The following FHIT variants were observed in gnomAD, a reference collection of about 807,000 sequenced individuals.
FHIT encodes fragile histidine triad diadenosine triphosphatase.
A neutral mutation model predicts 17.9 loss-of-function variants in FHIT; 19 were observed. The observed-to-expected ratio is 1.06, with a 90% CI of 0.74 to 1.56. FHIT has a LOEUF of 1.56. Ranked by LOEUF, FHIT falls within the 40% of genes most tolerant of loss-of-function variation. The probability of loss-of-function intolerance (pLI) is 0.00; values close to 1 mark genes in which losing one functional copy is unlikely to be tolerated. For synonymous variants in FHIT, 81 were observed against 69.7 expected, an observed-to-expected ratio of 1.16 and a Z score of -0.81; for missense variants, 248 against 189.2, an observed-to-expected ratio of 1.31 and a Z score of -1.82.
At chr3:61,178,206 C>A (rs951705121) in intron 2 of FHIT, among the ~76,000 whole-genome samples, 3 of 152,100 alleles carry the variant, frequency 2.0e-5, no homozygotes, top group African/African-American at 7.2e-5. Context: ...GTGCCAGGCA[C>A]TGGGTTTCAT....
Position 61,056,642 on chromosome 3 carries a change from C to T in FHIT, c.-163-14543G>A, listed in dbSNP as rs184540971. 1.0e-3 allele frequency among the ~76,000 whole-genome samples: 158 copies of T among 152,206 alleles called. 2 individuals carry two copies. The highest frequency in any genetic ancestry group is 8.8e-3 in the Admixed American group (134 of 15,286). On this transcript the variant is annotated intron_variant, in intron 2 of 9. Coordinates refer to ENST00000492590, the MANE Select transcript of FHIT (RefSeq NM_002012.4). Reference sequence around the variant, plus strand: ...GTAACACGCCTTGGGAAGTGCATTCCCAACAGAGAACAGCAATCCTCTCCA... The same window carrying T: ...GTAACACGCCTTGGGAAGTGCATTCTCAACAGAGAACAGCAATCCTCTCCA...
intron 4 of FHIT, among the ~76,000 whole-genome samples, chr3:60,669,721 G>A (rs558247323): frequency 2.0e-5 from 3 of 152,308 alleles, no homozygotes; most frequent in Non-Finnish European, 4.4e-5. Flanking sequence ...GATTGCATGT[G>A]AGAGCTAGAA....
At chr3:60,021,316 T>G (rs867942436) in intron 5 of FHIT, among the ~76,000 whole-genome samples, 1 of 152,196 alleles carries the variant, frequency 6.6e-6, no homozygotes, top group Non-Finnish European at 1.5e-5. Flanking sequence ...GGTACCGATC[T>G]GGATGCTCAA....
chr3:59,778,131 C>T lies in FHIT; in HGVS notation c.349-25810G>A, dbSNP rs140951185. Among the ~76,000 whole-genome samples, 9 of 152,286 alleles carry T rather than the reference C, an allele frequency of 5.9e-5. No individual in the cohort carries two copies. In the East Asian group the frequency reaches 1.7e-3, roughly 29 times the overall value. On this transcript the variant is annotated intron_variant, in intron 8 of 9. Transcript: ENST00000492590. Reference sequence around the variant, plus strand: ...GATCTGGTTTGTTCACCCCTCTATCCCCCAGTGCCTGGAACTTTATCAGGG... The same window carrying T: ...GATCTGGTTTGTTCACCCCTCTATCTCCCAGTGCCTGGAACTTTATCAGGG...
At chr3:60,339,437 AG>A (rs1710406473) in intron 5 of FHIT, among the ~76,000 whole-genome samples, 1 of 152,210 alleles carries the variant, frequency 6.6e-6, no homozygotes, top group South Asian at 2.1e-4. Flanking sequence ...TTAACTTACC[AG>A]GCAGCAGTAA....
intron 3 of FHIT, among the ~76,000 whole-genome samples, chr3:60,972,908 T>C (rs1710083027): frequency 6.6e-6 from 1 of 152,326 alleles, no homozygotes; most frequent in South Asian, 2.1e-4. Context: ...TGTTGTACAT[T>C]TGATTCCTTT....
At chr3:61,060,147 C>T (rs1024712340) in intron 2 of FHIT, among the ~76,000 whole-genome samples, 2 of 152,118 alleles carry the variant, frequency 1.3e-5, no homozygotes, top group African/African-American at 4.8e-5. Flanking sequence ...GTTTTTATTA[C>T]TCTTTCTTAA....
At chr3:60,390,217 A>G (rs1430289569) in intron 5 of FHIT, among the ~76,000 whole-genome samples, 2 of 152,132 alleles carry the variant, frequency 1.3e-5, no homozygotes, top group African/African-American at 4.8e-5. Flanking sequence ...TATGGGTATC[A>G]GTATATGGAT....
intron 7 of FHIT, among the ~76,000 whole-genome samples, chr3:59,935,303 T>C (rs62238348): frequency 0.068 from 10,426 of 152,270 alleles, 473 homozygotes; most frequent in South Asian, 0.13. Context: ...ATGGAGTTTA[T>C]AGTACATGTG....
At chr3:61,051,232 C>T (rs1041487385) in intron 2 of FHIT, among the ~76,000 whole-genome samples, 3 of 151,652 alleles carry the variant, frequency 2.0e-5, no homozygotes, top group South Asian at 2.1e-4. Context: ...GCTTTGGCTC[C>T]ATAAGTACCA....
intron 3 of FHIT, among the ~76,000 whole-genome samples, chr3:60,939,173 A>G (rs1553773881): frequency 6.6e-6 from 1 of 152,224 alleles, no homozygotes; most frequent in Non-Finnish European, 1.5e-5. Context: ...TGAATTAACT[A>G]GGGCTCATAT....
intron 5 of FHIT, among the ~76,000 whole-genome samples, chr3:60,522,417 A>G (rs984306787): frequency 8.5e-5 from 13 of 152,200 alleles, no homozygotes; most frequent in Non-Finnish European, 1.8e-4. Context: ...GCCAGAAACA[A>G]CCATAATTTC....
At chr3:61,151,575 CTTT>C (rs58140463) in intron 2 of FHIT, among the ~76,000 whole-genome samples, 4 of 129,252 alleles carry the variant, frequency 3.1e-5, no homozygotes, top group African/African-American at 2.8e-5. Flanking sequence ...CTTTTCTTTT[CTTT>C]TTTTTTTTTT....
intron 2 of FHIT, among the ~76,000 whole-genome samples, chr3:61,155,125 C>G (rs1028834270): frequency 6.6e-6 from 1 of 152,172 alleles, no homozygotes; most frequent in Non-Finnish European, 1.5e-5. Flanking sequence ...TTTATTATAA[C>G]ATTCATGGCT....
intron 2 of FHIT, among the ~76,000 whole-genome samples, chr3:61,147,456 G>A (rs2037258523): frequency 6.6e-6 from 1 of 151,946 alleles, no homozygotes; most frequent in South Asian, 2.1e-4. Flanking sequence ...TATAAGGTGA[G>A]TCAGAGTGCC....
At chr3:60,836,336 G>C (rs1176265377) in intron 3 of FHIT, among the ~76,000 whole-genome samples, 1 of 152,180 alleles carries the variant, frequency 6.6e-6, no homozygotes, top group Non-Finnish European at 1.5e-5. Flanking sequence ...GGAAGAGACT[G>C]TATAAAACTC....
intron 8 of FHIT, among the ~76,000 whole-genome samples, chr3:59,887,124 C>G (rs1198578822): frequency 6.6e-6 from 1 of 152,146 alleles, no homozygotes; most frequent in Non-Finnish European, 1.5e-5. Context: ...GCAGGGATTC[C>G]TAGATAATAA....
rs141645972 is a variant in FHIT, at chr3:60,486,871, A to G, written c.103+49989T>C. ...GTTTAAACGTGCTTCAGTTAAAACC[A>G]CTGCCCTATTGCTCTAAAAGAAACA... On this transcript the variant is annotated intron_variant, in intron 5 of 9. Transcript: ENST00000492590. Among the ~76,000 whole-genome samples, 299 of 152,272 alleles carry G rather than the reference A, an allele frequency of 2.0e-3. 1 individual carries two copies. The highest frequency in any genetic ancestry group is 6.9e-3 in the African/African-American group (288 of 41,560).
chr3:60,145,779 C>G (rs996413482), intron 5 of FHIT, among the ~76,000 whole-genome samples: 2 of 152,150 alleles, frequency 1.3e-5, no homozygotes, highest in Non-Finnish European at 2.9e-5. Context: ...AATTCTGTCT[C>G]AAAACTTCAG....
Sources: gnomAD v4.1 joint callset for allele counts (sites outside exome capture counted in the v4.1 genomes callset) on GRCh38, gnomAD v4.1.1 for gene constraint, MANE v1.5 for transcripts, NCBI Gene and HGNC (gene_info 2026-07-23, HGNC 2026-07-21) for gene names.